Variants in PTPRK observed in about 807,000 individuals in gnomAD.
PTPRK encodes the protein protein tyrosine phosphatase receptor type K.
In PTPRK, 75 loss-of-function variants were observed where a neutral mutation model predicts 178.0. The ratio of observed to expected loss-of-function variants is 0.42; its 90% CI spans 0.35 to 0.51. The LOEUF (loss-of-function observed/expected upper bound fraction) is 0.51. PTPRK is among the 20% of genes least tolerant of loss of function. PTPRK has a pLI of 0.02. For missense variants in PTPRK, 1,441 were observed against 1,797.8 expected (o/e 0.80, Z 3.59); for synonymous variants, 637 against 620.6 (o/e 1.03, Z -0.39).
At chr6:128,039,400 A>G (rs17055242) in intron 13 of PTPRK, among the ~76,000 whole-genome samples, 3,428 of 152,234 alleles carry the variant, frequency 0.023, 125 homozygotes, top group African/African-American at 0.077. Flanking sequence ...CTATGTTCAT[A>G]AATAAGTCTG....
intron 18 of PTPRK, among the ~76,000 whole-genome samples, chr6:127,993,301 A>C (rs1401515938): frequency 6.6e-6 from 1 of 151,618 alleles, no homozygotes; most frequent in Non-Finnish European, 1.5e-5. Flanking sequence ...ATAGATACAC[A>C]CATATATATA....
chr6:128,439,289 CA>C (rs1562524970), intron 1 of PTPRK, among the ~76,000 whole-genome samples: 1 of 151,980 alleles, frequency 6.6e-6, no homozygotes, highest in Non-Finnish European at 1.5e-5. Context: ...CACCTGTATC[CA>C]AAAAGACTAC....
At chr6:128,265,274 G>T (rs1818774599) in intron 3 of PTPRK, among the ~76,000 whole-genome samples, 1 of 152,104 alleles carries the variant, frequency 6.6e-6, no homozygotes, top group African/African-American at 2.4e-5. Context: ...GGACTGATTT[G>T]ATTATTATAC....
intron 1 of PTPRK, among the ~76,000 whole-genome samples, chr6:128,426,645 G>T (rs1249717234): frequency 2.6e-5 from 4 of 152,140 alleles, no homozygotes; most frequent in Non-Finnish European, 4.4e-5. Context: ...CATTTTCAAA[G>T]AAAAACTTTG....
chr6:128,432,911 T>C (rs2128394938), intron 1 of PTPRK, among the ~76,000 whole-genome samples: 1 of 152,290 alleles, frequency 6.6e-6, no homozygotes, highest in African/African-American at 2.4e-5. Context: ...GCAGCTATAG[T>C]TTATTTTACC....
intron 3 of PTPRK, among the ~76,000 whole-genome samples, chr6:128,295,688 T>C (rs553762941): frequency 3.4e-4 from 52 of 152,240 alleles, no homozygotes; most frequent in African/African-American, 1.2e-3. Context: ...CTCTGGTAAA[T>C]CCGGTTCAAT....
At chr6:128,177,596 A>G (rs1801267220) in intron 7 of PTPRK, among the ~76,000 whole-genome samples, 1 of 151,792 alleles carries the variant, frequency 6.6e-6, no homozygotes. Context: ...ACCCAACTCT[A>G]TTAGTAAAGT....
chr6:128,092,245 T>C (rs981339330), intron 7 of PTPRK, among the ~76,000 whole-genome samples: 2 of 152,156 alleles, frequency 1.3e-5, no homozygotes, highest in East Asian at 1.9e-4. Context: ...GACATTTTTT[T>C]CCACAGTTTG....
chr6:128,017,457 C>T (rs897441368), intron 13 of PTPRK, among the ~76,000 whole-genome samples: 1 of 151,652 alleles, frequency 6.6e-6, no homozygotes, highest in Admixed American at 6.6e-5. Context: ...GGGAACCCTG[C>T]AGGCCTAAAT....
chr6:128,194,064 ATATT>A (rs1804397640), intron 6 of PTPRK, among the ~76,000 whole-genome samples: 1 of 137,568 alleles, frequency 7.3e-6, no homozygotes, highest in South Asian at 2.3e-4. Flanking sequence ...ATTTATATAT[ATATT>A]ATTATTATTA....
intron 1 of PTPRK, among the ~76,000 whole-genome samples, chr6:128,453,076 A>G (rs987954112): frequency 6.6e-6 from 1 of 152,202 alleles, no homozygotes. Flanking sequence ...CATTGTGACC[A>G]TCACCTTATA....
intron 7 of PTPRK, among the ~76,000 whole-genome samples, chr6:128,097,149 G>T (rs944660988): frequency 6.6e-6 from 1 of 152,164 alleles, no homozygotes; most frequent in Non-Finnish European, 1.5e-5. Context: ...TAACGTGAGG[G>T]AGCCTCAGGT....
At chr6:128,296,283 G>A (rs528610138) in intron 3 of PTPRK, among the ~76,000 whole-genome samples, 82 of 152,020 alleles carry the variant, frequency 5.4e-4, no homozygotes, top group African/African-American at 1.8e-3. Context: ...TCACATCTTT[G>A]CTCAAAAATC....
chr6:128,258,233 T>A (rs910877765), intron 3 of PTPRK, among the ~76,000 whole-genome samples: 1 of 152,200 alleles, frequency 6.6e-6, no homozygotes, highest in Non-Finnish European at 1.5e-5. Context: ...ATAGTGATTA[T>A]GTGAAATTCC....
intron 7 of PTPRK, among the ~76,000 whole-genome samples, chr6:128,172,626 G>T (rs554447098): frequency 3.3e-5 from 5 of 150,612 alleles, no homozygotes; most frequent in African/African-American, 1.2e-4. Context: ...TATATATATA[G>T]TGTGTGTGTA....
At chr6:128,103,795 T>C (rs995790884) in intron 7 of PTPRK, among the ~76,000 whole-genome samples, 12 of 152,150 alleles carry the variant, frequency 7.9e-5, no homozygotes, top group African/African-American at 2.9e-4. Context: ...CCATACCATA[T>C]CAAATGAACC....
intron 13 of PTPRK, among the ~76,000 whole-genome samples, chr6:128,019,096 T>C (rs541544356): frequency 2.0e-5 from 3 of 152,298 alleles, no homozygotes; most frequent in African/African-American, 7.2e-5. Flanking sequence ...TTGTATCTGA[T>C]TTCTTGACAA....
At chr6:128,084,763 A>G (rs1785454922) in intron 8 of PTPRK, 1 of 152,206 alleles carries the variant, frequency 6.6e-6, no homozygotes, top group South Asian at 2.1e-4. Context: ...ATGAATATCC[A>G]ATTTCTAGTT....
intron 3 of PTPRK, among the ~76,000 whole-genome samples, chr6:128,284,620 T>C (rs1283880340): frequency 6.6e-6 from 1 of 152,240 alleles, no homozygotes; most frequent in African/African-American, 2.4e-5. Flanking sequence ...AAAAACAAGA[T>C]GACCTCCTTT....
Sources: gnomAD v4.1 joint callset for allele counts (sites outside exome capture counted in the v4.1 genomes callset) on GRCh38, gnomAD v4.1.1 for gene constraint, MANE v1.5 for transcripts, NCBI Gene and HGNC (gene_info 2026-07-23, HGNC 2026-07-21) for gene names.